Variants in PLD5 observed in about 807,000 individuals in gnomAD.
PLD5 encodes phospholipase D family member 5.
PLD5 carries 36 observed loss-of-function variants against 61.1 expected under a neutral mutation model. The ratio of observed to expected loss-of-function variants is 0.59; its 90% CI spans 0.45 to 0.78. The LOEUF is 0.78. PLD5 is among the 30% of genes least tolerant of loss of function. The pLI, the probability that PLD5 is intolerant of heterozygous loss-of-function variation, is 0.00. For synonymous variants in PLD5, 243 were observed against 242.8 expected (o/e 1.00, Z -0.01); for missense variants, 515 against 644.4 (o/e 0.80, Z 2.17).
At chr1:242,280,011 A>T (rs1156349390) in intron 3 of PLD5, among the ~76,000 whole-genome samples, 1 of 152,240 alleles carries the variant, frequency 6.6e-6, no homozygotes, top group Non-Finnish European at 1.5e-5. Flanking sequence ...CTGCATCAAA[A>T]CAACAAAAAT....
At chr1:242,119,167 T>C (rs1316921118) in intron 6 of PLD5, among the ~76,000 whole-genome samples, 1 of 152,196 alleles carries the variant, frequency 6.6e-6, no homozygotes, top group Non-Finnish European at 1.5e-5. Flanking sequence ...GTAGGCACCA[T>C]ATGAATGTAA....
intron 5 of PLD5, among the ~76,000 whole-genome samples, chr1:242,185,034 T>G (rs748854542): frequency 1.3e-5 from 2 of 152,186 alleles, no homozygotes; most frequent in Non-Finnish European, 2.9e-5. Context: ...CTGCTGAGCA[T>G]CACATTGCAT....
rs183175428 is a variant in PLD5, at chr1:242,215,740, C to T, written c.735+4248G>A. On this transcript the variant is annotated intron_variant, in intron 5 of 9. Transcript: ENST00000536534. The stretch of plus-strand genomic sequence containing the variant: ...AGGACCCACAGCCCCAGACAATGCA[C>T]CTTCCTTGGACAACACAGGCCCTGG... Among the ~76,000 whole-genome samples the T allele has an allele frequency of 2.0e-4, 31 of 152,310 alleles. No homozygotes were observed. In the East Asian group the frequency reaches 5.4e-3, roughly 27 times the overall value.
rs552553313 is a variant in PLD5, at chr1:242,266,942, C to T, written c.496-1494G>A. ...AACCAGCCTGGTCAACATGGGGAAA[C>T]CCAGTCTCTACTAAAAATACAAAAA... On this transcript the variant is annotated intron_variant, in intron 3 of 9. Transcript: ENST00000536534. Among the ~76,000 whole-genome samples, 9 of 152,062 alleles carry T rather than the reference C, an allele frequency of 5.9e-5. 1 individual carries two copies. In the South Asian group the frequency reaches 1.9e-3, roughly 32 times the overall value.
At position 242,524,556 on chromosome 1, in the gene PLD5, G is replaced by C. The variant is rs1304784295; in HGVS notation, c.-280C>G. ...GGGGCGGGGGCGGAGGGGGACGGAC[G>C]GGGAGAAGGGGGACGAGAGGGGACA... On this transcript the variant is annotated 5_prime_UTR_variant, in exon 1 of 10. Coordinates refer to ENST00000536534, the MANE Select transcript of PLD5 (RefSeq NM_001372062.1). The C allele has an allele frequency of 4.5e-6, 1 of 224,414 alleles. No individual in the cohort carries two copies. Among genetic ancestry groups the C allele is most frequent in the Non-Finnish European group, 8.5e-6 (1 of 117,268 alleles). 13.9% of individuals were successfully genotyped at this position (224,414 alleles called of 1,614,324 possible).
chr1:242,160,840 G>C (rs542478519), intron 5 of PLD5, among the ~76,000 whole-genome samples: 1 of 151,238 alleles, frequency 6.6e-6, no homozygotes, highest in African/African-American at 2.4e-5. Context: ...AGCTTTGATC[G>C]AGCCACTGCA....
At chr1:242,435,805 T>C (rs1437148331) in intron 1 of PLD5, among the ~76,000 whole-genome samples, 3 of 152,208 alleles carry the variant, frequency 2.0e-5, no homozygotes, top group Admixed American at 2.0e-4. Context: ...TTTTAGTTCT[T>C]TTCTACCTTT....
At chr1:242,380,373 C>T (rs959692267) in intron 1 of PLD5, among the ~76,000 whole-genome samples, 4 of 152,130 alleles carry the variant, frequency 2.6e-5, no homozygotes, top group African/African-American at 9.7e-5. Flanking sequence ...CCAGGCACAC[C>T]TCATACTATC....
In PLD5 at chr1:242,256,930, T is replaced by C. The variant is rs1233235043; in HGVS notation, c.607+8407A>G. Among the ~76,000 whole-genome samples the C allele has an allele frequency of 7.0e-6, 1 of 142,614 alleles. No homozygotes were observed. Among genetic ancestry groups the C allele is most frequent in the Non-Finnish European group, 1.5e-5 (1 of 66,228 alleles). 93.6% of individuals were successfully genotyped at this position (142,614 alleles called of 152,430 possible). A position where few individuals can be genotyped will look rare whatever the true frequency, so the allele number is the denominator to read the frequency against. ...TTTCATCTATCTATCTATCTATCTA[T>C]CTAATCTATCTCTACCTACTGTCTT... On this transcript the variant is annotated intron_variant, in intron 4 of 9. Coordinates refer to ENST00000536534, the MANE Select transcript of PLD5 (RefSeq NM_001372062.1). This position sits in a 1 kb window ranked among gnomAD's most constrained non-coding sequence, Gnocchi z 5.7.
intron 4 of PLD5, among the ~76,000 whole-genome samples, chr1:242,250,069 C>G (rs1245050863): frequency 6.6e-6 from 1 of 152,216 alleles, no homozygotes; most frequent in Non-Finnish European, 1.5e-5. Context: ...TAGGTCCCAA[C>G]CATGTCAGAA....
intron 5 of PLD5, among the ~76,000 whole-genome samples, chr1:242,167,552 G>C (rs1247453111): frequency 6.6e-6 from 1 of 152,164 alleles, no homozygotes; most frequent in Admixed American, 6.5e-5. Flanking sequence ...GATGAGATTT[G>C]GGTGGGGACA....
At chr1:242,277,595 A>G (rs1574655145) in intron 3 of PLD5, among the ~76,000 whole-genome samples, 1 of 150,228 alleles carries the variant, frequency 6.7e-6, no homozygotes, top group East Asian at 1.9e-4. Flanking sequence ...AGTCTAATAC[A>G]TTGTATGTTA....
intron 2 of PLD5, among the ~76,000 whole-genome samples, chr1:242,330,241 GTTGT>G (rs1659087888): frequency 2.6e-5 from 4 of 152,232 alleles, no homozygotes; most frequent in African/African-American, 9.6e-5. Flanking sequence ...CCATATTCTT[GTTGT>G]TTAATGGCTC....
At chr1:242,360,044 T>C (rs1660980414) in intron 1 of PLD5, among the ~76,000 whole-genome samples, 1 of 152,334 alleles carries the variant, frequency 6.6e-6, no homozygotes, top group African/African-American at 2.4e-5. Flanking sequence ...GAAATTGTTC[T>C]AGCTCAGTCT....
chr1:242,327,006 T>C (rs903539105), intron 2 of PLD5, among the ~76,000 whole-genome samples: 2 of 152,008 alleles, frequency 1.3e-5, no homozygotes, highest in Non-Finnish European at 1.5e-5. Flanking sequence ...GCTGGGACTA[T>C]AGGTGCACAC....
intron 5 of PLD5, among the ~76,000 whole-genome samples, chr1:242,219,040 A>G (rs1406851535): frequency 1.3e-5 from 2 of 152,212 alleles, no homozygotes; most frequent in Non-Finnish European, 2.9e-5. Context: ...TCACTGGACA[A>G]CTTCACAAAC....
At chr1:242,102,601 C>A (rs1324139712) in intron 8 of PLD5, among the ~76,000 whole-genome samples, 2 of 152,178 alleles carry the variant, frequency 1.3e-5, no homozygotes, top group Admixed American at 1.3e-4. Flanking sequence ...GGGGTGCCCA[C>A]TCCTTTAAGG....
chr1:242,346,101 A>G (rs1468111686), intron 2 of PLD5, among the ~76,000 whole-genome samples: 2 of 140,898 alleles, frequency 1.4e-5, no homozygotes, highest in Non-Finnish European at 1.5e-5. Context: ...AGTGAGTCCA[A>G]CCACCCAAAG....
intron 1 of PLD5, among the ~76,000 whole-genome samples, chr1:242,450,423 T>A (rs976726197): frequency 6.6e-6 from 1 of 152,190 alleles, no homozygotes; most frequent in Admixed American, 6.5e-5. Flanking sequence ...GATTTCCCAT[T>A]ACTGTTGGAA....
Sources: gnomAD v4.1 joint callset for allele counts (sites outside exome capture counted in the v4.1 genomes callset) on GRCh38, gnomAD v4.1.1 for gene constraint, Gnocchi (gnomAD v3.1) non-coding constraint, MANE v1.5 for transcripts, NCBI Gene and HGNC (gene_info 2026-07-23, HGNC 2026-07-21) for gene names.